The following PAPOLA variants were observed in gnomAD, a reference collection of about 807,000 sequenced individuals.
PAPOLA encodes poly(A) polymerase alpha, also known as polynucleotide adenylyltransferase alpha.
PAPOLA carries 15 observed loss-of-function variants against 100.6 expected under a neutral mutation model. That is an observed-to-expected ratio of 0.15 (90% CI 0.10 to 0.23). The LOEUF (loss-of-function observed/expected upper bound fraction) is 0.23, where lower values mean the gene tolerates loss of function less well. PAPOLA is among the 10% of genes least tolerant of loss of function. The pLI is 1.00. For synonymous variants in PAPOLA, 293 were observed against 300.0 expected (o/e 0.98, Z 0.24); for missense variants, 533 against 884.2 (o/e 0.60, Z 5.04).
chr14:96,507,551 A>C (rs1431603325), intron 1 of PAPOLA, among the ~76,000 whole-genome samples: 4 of 152,294 alleles, frequency 2.6e-5, no homozygotes, highest in African/African-American at 9.6e-5. Context: ...CTGGGATTAC[A>C]GGCGTGAGCC....
chr14:96,565,795 T>G lies in PAPOLA; in HGVS notation c.*745T>G, dbSNP rs1252922555. On this transcript the variant is annotated 3_prime_UTR_variant, in exon 22 of 22. Coordinates refer to ENST00000216277, the MANE Select transcript of PAPOLA (RefSeq NM_032632.5). ...TTTCTTTGAGCTTGTGAAAGCTCTG[T>G]GTTCTTTTGCCTTCAATCTGTTGTC... is the stretch of plus-strand genomic sequence containing the variant. 2 of 398,344 alleles carry G rather than the reference T, an allele frequency of 5.0e-6. No homozygotes were observed. The highest frequency in any genetic ancestry group is 8.9e-6 in the Non-Finnish European group (2 of 225,784). 24.7% of individuals were successfully genotyped at this position (398,344 alleles called of 1,614,324 possible).
chr14:96,537,124 T>G (rs1173395933), intron 12 of PAPOLA, 64 bp downstream of exon 12: 3 of 892,090 alleles, frequency 3.4e-6, no homozygotes, highest in African/African-American at 3.3e-5. Context: ...GGTAGCACAT[T>G]ATGACATTTC....
intron 3 of PAPOLA, among the ~76,000 whole-genome samples, chr14:96,524,850 A>AT (rs1422081076): frequency 2.0e-5 from 3 of 152,166 alleles, no homozygotes; most frequent in African/African-American, 7.2e-5. Context: ...TTTTGATATG[A>AT]TAAAAAAAAT....
intron 1 of PAPOLA, chr14:96,504,517 A>G (rs1221971466): frequency 3.9e-5 from 6 of 152,274 alleles, no homozygotes; most frequent in Admixed American, 3.9e-4. Flanking sequence ...AGCCTGGGCA[A>G]CATGGCGAAA....
At chr14:96,562,764 C>G in intron 20 of PAPOLA, 55 bp from the exon 21 acceptor site, 11 of 1,088,288 alleles carry the variant, frequency 1.0e-5, no homozygotes, top group Non-Finnish European at 1.4e-5. Context: ...CAGTTATGTT[C>G]TTTTATTCTT....
intron 12 of PAPOLA, among the ~76,000 whole-genome samples, chr14:96,541,012 C>T (rs1297417219): frequency 6.6e-6 from 1 of 152,194 alleles, no homozygotes; most frequent in Non-Finnish European, 1.5e-5. Flanking sequence ...GCCTCAGCCT[C>T]CTGAATAGCT....
At chr14:96,535,376 A>G (rs1433293518) in intron 10 of PAPOLA, 52 of 977,444 alleles carry the variant, frequency 5.3e-5, no homozygotes, top group Non-Finnish European at 6.3e-5. Context: ...TAAAATTAAC[A>G]GTATATCATT....
chr14:96,532,086 T>G, intron 7 of PAPOLA: 1 of 1,296,274 alleles, frequency 7.7e-7, no homozygotes, highest in Non-Finnish European at 9.7e-7. Context: ...AGGTTACAGT[T>G]TACTTTGGTT....
At chr14:96,509,041 T>C (rs1896923142) in intron 1 of PAPOLA, among the ~76,000 whole-genome samples, 1 of 152,164 alleles carries the variant, frequency 6.6e-6, no homozygotes, top group Non-Finnish European at 1.5e-5. Flanking sequence ...TTGGAGTCTT[T>C]ATTTATTTTT....
rs1902318449 is a variant in PAPOLA, at chr14:96,566,952, T to A, written c.*1902T>A. On this transcript the variant is annotated 3_prime_UTR_variant, in exon 22 of 22. Transcript: ENST00000216277. ...CTTTTTAATTATAGTTTTCATAACCTGGAGATCAGACTGTTGCTTTCGCAT... is the reference window on the plus strand; with the variant it reads ...CTTTTTAATTATAGTTTTCATAACCAGGAGATCAGACTGTTGCTTTCGCAT... 1 of 152,622 alleles carries A rather than the reference T, an allele frequency of 6.6e-6. No homozygotes were observed. The highest frequency in any genetic ancestry group is 2.1e-4 in the South Asian group (1 of 4,836). 9.5% of individuals were successfully genotyped at this position (152,622 alleles called of 1,614,324 possible).
chr14:96,562,028 G>A (rs1901892939), intron 20 of PAPOLA, among the ~76,000 whole-genome samples: 1 of 151,738 alleles, frequency 6.6e-6, no homozygotes, highest in South Asian at 2.1e-4. Context: ...CCGAGTAGTG[G>A]GGATTACAGG....
intron 16 of PAPOLA, among the ~76,000 whole-genome samples, 165 bp downstream of exon 16, chr14:96,548,083 T>TA (rs1404378506): frequency 6.6e-6 from 1 of 152,176 alleles, no homozygotes; most frequent in African/African-American, 2.4e-5. Context: ...AATCTGACTC[T>TA]AATCAGTTTT....
chr14:96,524,097 TTTTC>T (rs1466382141), intron 3 of PAPOLA, among the ~76,000 whole-genome samples: 1 of 152,136 alleles, frequency 6.6e-6, no homozygotes, highest in East Asian at 1.9e-4. Context: ...TTTATGTCCT[TTTTC>T]TTTTTTTTGA....
chr14:96,525,009 G>A (rs147566487), intron 3 of PAPOLA, among the ~76,000 whole-genome samples: 67 of 152,198 alleles, frequency 4.4e-4, no homozygotes, highest in African/African-American at 1.5e-3. Context: ...CGATTCTAAC[G>A]TGCTCCTGTG....
chr14:96,519,481 G>A (rs537567563), intron 1 of PAPOLA, among the ~76,000 whole-genome samples: 57 of 152,314 alleles, frequency 3.7e-4, no homozygotes, highest in African/African-American at 1.2e-3. Flanking sequence ...AGCTGTGTGT[G>A]TGTAAAATAA....
At chr14:96,523,135 A>AT (rs11305213) in intron 3 of PAPOLA, among the ~76,000 whole-genome samples, 36 of 150,704 alleles carry the variant, frequency 2.4e-4, no homozygotes, top group East Asian at 5.8e-4. Context: ...AGAAAATAAG[A>AT]TTTTTTTTTT....
intron 1 of PAPOLA, among the ~76,000 whole-genome samples, chr14:96,517,299 C>G (rs1434516903): frequency 6.6e-6 from 1 of 152,134 alleles, no homozygotes. Context: ...CAATGAATAA[C>G]ACAAGATAAT....
chr14:96,518,920 G>A (rs1897705822), intron 1 of PAPOLA, among the ~76,000 whole-genome samples: 2 of 151,892 alleles, frequency 1.3e-5, no homozygotes, highest in African/African-American at 4.8e-5. Context: ...AGCCGGGTGT[G>A]GTGGCATGCA....
At chr14:96,548,469 T>A (rs1390328309) in intron 16 of PAPOLA, among the ~76,000 whole-genome samples, 1 of 152,202 alleles carries the variant, frequency 6.6e-6, no homozygotes. Flanking sequence ...AGCCATTTTT[T>A]CCTTATTTGG....
Sources: allele counts gnomAD v4.1 joint callset (sites outside exome capture counted in the v4.1 genomes callset), GRCh38; gene constraint gnomAD v4.1.1; transcripts MANE v1.5; gene names NCBI Gene and HGNC (gene_info 2026-07-23, HGNC 2026-07-21).